CCDC178: variants seen among roughly 807,000 people sequenced by gnomAD.
CCDC178 encodes the protein coiled-coil domain containing 178, also known as coiled-coil domain-containing protein 178.
Under a neutral mutation model 117.4 loss-of-function variants are expected in CCDC178, and 126 were observed. That is an observed-to-expected ratio of 1.07 (90% CI 0.93 to 1.24). The LOEUF is 1.24. CCDC178 is among the 50% of genes most tolerant of loss of function. The pLI is 0.00. For synonymous variants in CCDC178, 283 were observed against 313.4 expected (o/e 0.90, Z 1.02); for missense variants, 1,030 against 986.9 (o/e 1.04, Z -0.59).
At chr18:33,375,409 G>C (rs535888663) in intron 5 of CCDC178, among the ~76,000 whole-genome samples, 1 of 152,138 alleles carries the variant, frequency 6.6e-6, no homozygotes, top group South Asian at 2.1e-4. Context: ...ACCTTGCCCT[G>C]AGCTCCTTGC....
intron 21 of CCDC178, among the ~76,000 whole-genome samples, chr18:32,986,844 A>T (rs571959657): frequency 2.0e-5 from 3 of 152,202 alleles, no homozygotes; most frequent in South Asian, 4.1e-4. Flanking sequence ...GAAGTTCAGA[A>T]GTCTGAATTA....
At chr18:33,215,760 G>T in intron 18 of CCDC178, 65 bp from the exon 19 acceptor site, 1 of 1,220,130 alleles carries the variant, frequency 8.2e-7, no homozygotes, top group South Asian at 1.5e-5. Flanking sequence ...TGCTATTTAG[G>T]AACACAATTA....
At chr18:33,192,901 CAAA>C (rs3046443) in intron 20 of CCDC178, among the ~76,000 whole-genome samples, 1,240 of 96,416 alleles carry the variant, frequency 0.013, 17 homozygotes, top group African/African-American at 0.04. Context: ...AACTCCGTCT[CAAA>C]AAAAAAAAAA....
At chr18:33,002,344 C>T (rs1479036752) in intron 21 of CCDC178, among the ~76,000 whole-genome samples, 1 of 150,934 alleles carries the variant, frequency 6.6e-6, no homozygotes, top group African/African-American at 2.4e-5. Flanking sequence ...TCTGACCAGA[C>T]CACAATGAAA....
intron 21 of CCDC178, among the ~76,000 whole-genome samples, chr18:33,079,007 C>T (rs2057255787): frequency 6.6e-6 from 1 of 152,120 alleles, no homozygotes; most frequent in Admixed American, 6.6e-5. Flanking sequence ...GGAGGCATCA[C>T]ATTACTGGAC....
chr18:32,956,484 T>C (rs2054595680), intron 22 of CCDC178: 1 of 152,200 alleles, frequency 6.6e-6, no homozygotes. Context: ...ACCTCAGGTT[T>C]ACTACAGAAA....
intron 5 of CCDC178, among the ~76,000 whole-genome samples, chr18:33,373,985 C>T (rs2063332982): frequency 6.6e-6 from 1 of 152,068 alleles, no homozygotes; most frequent in Non-Finnish European, 1.5e-5. Context: ...ATGGGCAGTT[C>T]AAGGTTTTCA....
At chr18:33,392,884 T>A (rs1488065638) in intron 4 of CCDC178, among the ~76,000 whole-genome samples, 1 of 152,018 alleles carries the variant, frequency 6.6e-6, no homozygotes, top group African/African-American at 2.4e-5. Flanking sequence ...AAATATTAAG[T>A]GCAAATAAAA....
intron 20 of CCDC178, among the ~76,000 whole-genome samples, chr18:33,196,447 G>A (rs2058930724): frequency 6.6e-6 from 1 of 152,074 alleles, no homozygotes; most frequent in South Asian, 2.1e-4. Flanking sequence ...TTTATATTCT[G>A]TTACTATGAT....
intron 12 of CCDC178, among the ~76,000 whole-genome samples, chr18:33,274,481 C>CA (rs939938236): frequency 2.0e-5 from 3 of 151,178 alleles, no homozygotes; most frequent in African/African-American, 4.9e-5. Flanking sequence ...TCTTAAGAGT[C>CA]AAAAAAAGTG....
chr18:33,131,416 A>G (rs2058067699), intron 20 of CCDC178, among the ~76,000 whole-genome samples: 1 of 151,830 alleles, frequency 6.6e-6, no homozygotes, highest in Non-Finnish European at 1.5e-5. Context: ...AAACAGAACT[A>G]TGAAAGTAAC....
intron 20 of CCDC178, among the ~76,000 whole-genome samples, chr18:33,141,252 C>T (rs1033202275): frequency 3.9e-5 from 6 of 152,112 alleles, no homozygotes; most frequent in East Asian, 3.9e-4. Flanking sequence ...AAGGGAGACA[C>T]GGAAACAAAT....
intron 11 of CCDC178, among the ~76,000 whole-genome samples, chr18:33,307,160 T>G (rs1219537721): frequency 6.6e-6 from 1 of 152,140 alleles, no homozygotes; most frequent in Non-Finnish European, 1.5e-5. Flanking sequence ...GGAAATGACT[T>G]TGGAACTGGC....
At chr18:33,164,614 G>C (rs918280158) in intron 20 of CCDC178, among the ~76,000 whole-genome samples, 4 of 151,116 alleles carry the variant, frequency 2.6e-5, no homozygotes, top group African/African-American at 9.7e-5. Flanking sequence ...AAAAAAAATG[G>C]TGGTAAGAAG....
intron 19 of CCDC178, among the ~76,000 whole-genome samples, chr18:33,213,649 T>G (rs2059132466): frequency 6.6e-6 from 1 of 152,042 alleles, no homozygotes; most frequent in Non-Finnish European, 1.5e-5. Flanking sequence ...ACACAGACAT[T>G]TATATACACT....
chr18:33,138,445 G>A (rs745687783), intron 20 of CCDC178, among the ~76,000 whole-genome samples: 5 of 152,004 alleles, frequency 3.3e-5, no homozygotes, highest in East Asian at 1.9e-4. Flanking sequence ...CGTCAGTGCC[G>A]CCTCCATACA....
rs1199239801 is a variant in CCDC178 at position 32,974,659 on chromosome 18, A to T, written c.2411T>A (p.Met804Lys). 6.2e-7 allele frequency: 1 copy of T among 1,613,352 alleles called. No individual in the cohort carries two copies. The highest frequency in any genetic ancestry group is 2.2e-5 in the East Asian group (1 of 44,854). The change falls in exon 22 of 23, where the codon ATG (methionine) becomes AAG (lysine). Residue 804 changes from methionine to lysine, a missense_variant. Transcript: ENST00000383096. Reference sequence around the variant, plus strand: ...GAAGTGCTCCTGCCACAGTGTGTGCATCCTTCTCTGCAGCTGACAGAGCTA... The same window carrying T: ...GAAGTGCTCCTGCCACAGTGTGTGCTTCCTTCTCTGCAGCTGACAGAGCTA... ...KKQLCQLQRR[M>K]HTLWQEHFKL... is the part of the protein sequence containing the mutation.
chr18:33,328,153 G>C (rs1427415487), intron 10 of CCDC178: 1 of 288,164 alleles, frequency 3.5e-6, no homozygotes, highest in Non-Finnish European at 6.2e-6. Context: ...CCAGGCTGGA[G>C]TGCAGTGGCG....
intron 20 of CCDC178, among the ~76,000 whole-genome samples, chr18:33,211,158 A>G (rs2059104105): frequency 6.6e-6 from 1 of 151,818 alleles, no homozygotes; most frequent in Non-Finnish European, 1.5e-5. Flanking sequence ...TACTTTGAAA[A>G]CTTTCACAGA....
Sources: gnomAD v4.1 joint callset for allele counts (sites outside exome capture counted in the v4.1 genomes callset) on GRCh38, gnomAD v4.1.1 for gene constraint, MANE v1.5 for transcripts, NCBI Gene and HGNC (gene_info 2026-07-23, HGNC 2026-07-21) for gene names.